EXPH5: variants seen among roughly 807,000 people sequenced by gnomAD.
EXPH5 encodes exophilin 5.
Under a neutral mutation model 41.1 loss-of-function variants are expected in EXPH5, and 42 were observed. The ratio of observed to expected loss-of-function variants is 1.02; its 90% CI spans 0.80 to 1.32. The LOEUF (loss-of-function observed/expected upper bound fraction) is 1.32, where lower values mean the gene tolerates loss of function less well. EXPH5 is among the 40% of genes most tolerant of loss of function. EXPH5 has a pLI of 0.00. For synonymous variants in EXPH5, 798 were observed against 833.5 expected (o/e 0.96, Z 0.73); for missense variants, 2,298 against 2,314.5 (o/e 0.99, Z 0.15).
chr11:108,510,535 T>C lies in EXPH5; in HGVS notation c.4972A>G (p.Arg1658Gly). ...PKSAESIGES[R>G]LSENGKHVKK... ...ACATGCTTTCCGTTCTCACTCAACC[T>C]GCTTTCGCCAATGGACTCTGCAGAT... is the stretch of plus-strand genomic sequence containing the variant. The change falls in exon 6 of 6, where the codon AGG (arginine) becomes GGG (glycine). Residue 1658 changes from arginine to glycine, a missense_variant. Coordinates refer to ENST00000265843, the MANE Select transcript of EXPH5 (RefSeq NM_015065.3). 1 of 1,614,206 alleles carries C rather than the reference T, an allele frequency of 6.2e-7. No homozygotes were observed. Among genetic ancestry groups the C allele is most frequent in the Non-Finnish European group, 8.5e-7 (1 of 1,180,036 alleles).
chr11:108,534,631 G>A (rs949582575), intron 3 of EXPH5, among the ~76,000 whole-genome samples: 8 of 152,182 alleles, frequency 5.3e-5, no homozygotes, highest in Non-Finnish European at 1.2e-4. Flanking sequence ...CTTCTTCCAG[G>A]AAGGGATCTT....
chr11:108,511,544 A>G lies in EXPH5; in HGVS notation c.3963T>C (p.Asp1321=). The change falls in exon 6 of 6, where the codon GAT becomes GAC. Residue 1321 remains aspartate, a synonymous_variant. Coordinates refer to ENST00000265843, the MANE Select transcript of EXPH5 (RefSeq NM_015065.3). ...TCATATTTTCAGTGGTGAGCGTCTG[A>G]TCAGAGTTGACGGACATCTTTAGAT... ...CENLKMSVNS[D]QTLTTENMTA... 6.2e-7 allele frequency: 1 copy of G among 1,612,422 alleles called. No homozygotes were observed. Among genetic ancestry groups the G allele is most frequent in the Admixed American group, 1.7e-5 (1 of 59,626 alleles).
chr11:108,535,656 G>A lies in EXPH5; in HGVS notation c.443+3368C>T, dbSNP rs114617684. Among the ~76,000 whole-genome samples, 7 of 152,314 alleles carry A rather than the reference G, an allele frequency of 4.6e-5. No homozygotes were observed. The East Asian group carries it at 1.3e-3, about 29-fold the overall frequency. On this transcript the variant is annotated intron_variant, in intron 3 of 5. Transcript: ENST00000265843. Reference sequence around the variant, plus strand: ...TCTGCCCTTTTAATTTTCCAAAATAGAATTTGACCTTTTTACTTATGTAAT... The same window carrying A: ...TCTGCCCTTTTAATTTTCCAAAATAAAATTTGACCTTTTTACTTATGTAAT...
Position 108,505,841 on chromosome 11 carries a change from C to A in EXPH5, c.*3696G>T, listed in dbSNP as rs1023272121. The stretch of plus-strand genomic sequence containing the variant: ...TTGCCATAACCTAAATGGATTTTTA[C>A]CCCCTCCAGTACACATATTTACCTC... On this transcript the variant is annotated 3_prime_UTR_variant, in exon 6 of 6. Coordinates refer to ENST00000265843, the MANE Select transcript of EXPH5 (RefSeq NM_015065.3). 6.6e-6 allele frequency: 1 copy of A among 152,146 alleles called. No homozygotes were observed. Among genetic ancestry groups the A allele is most frequent in the Admixed American group, 6.5e-5 (1 of 15,282 alleles). 9.4% of individuals were successfully genotyped at this position (152,146 alleles called of 1,614,324 possible).
At chr11:108,569,627 C>T (rs2094051097) in intron 1 of EXPH5, among the ~76,000 whole-genome samples, 1 of 152,356 alleles carries the variant, frequency 6.6e-6, no homozygotes, top group South Asian at 2.1e-4. Context: ...GCGTGAGCCA[C>T]TGCTCCTGGC....
chr11:108,525,755 G>A (rs1272431543), intron 4 of EXPH5, among the ~76,000 whole-genome samples: 15 of 151,990 alleles, frequency 9.9e-5, no homozygotes, highest in Non-Finnish European at 1.5e-5. Flanking sequence ...TCAATTTCCA[G>A]CTCTCTGTGG....
chr11:108,601,189 C>CTAT, the EXPH5 span, among the ~76,000 whole-genome samples: 1 of 152,152 alleles, frequency 6.6e-6, no homozygotes, highest in East Asian at 1.9e-4. Context: ...TTGCTAAAAC[C>CTAT]TATTAAACTA....
chr11:108,543,203 T>C (rs1789900908), intron 1 of EXPH5, among the ~76,000 whole-genome samples: 2 of 152,196 alleles, frequency 1.3e-5, no homozygotes, highest in Admixed American at 6.5e-5. Flanking sequence ...CCTATTACTT[T>C]TTTTTCTTCT....
At chr11:108,537,273 C>A (rs1358265252) in intron 3 of EXPH5, among the ~76,000 whole-genome samples, 1 of 152,186 alleles carries the variant, frequency 6.6e-6, no homozygotes, top group African/African-American at 2.4e-5. Context: ...TTTTATATTT[C>A]ATCTTCTGAA....
the EXPH5 span, among the ~76,000 whole-genome samples, chr11:108,605,261 G>T: frequency 6.6e-6 from 1 of 152,148 alleles, no homozygotes; most frequent in Non-Finnish European, 1.5e-5. Context: ...TGACCCTTCT[G>T]CTGGGGCTCT....
At chr11:108,573,198 A>AAGAAAGAAAGAAAGAAAGAGAAAG (rs1456627760) in intron 1 of EXPH5, among the ~76,000 whole-genome samples, 2 of 108,228 alleles carry the variant, frequency 1.8e-5, no homozygotes, top group East Asian at 2.8e-4. Context: ...GAAAGAAAGA[A>AAGAAAGAAAGAAAGAAAGAGAAAG]AAAGAAAGAA....
In EXPH5 at chr11:108,512,484, C is replaced by T. The variant is rs750747314; in HGVS notation, c.3023G>A (p.Ser1008Asn). 4.3e-6 allele frequency: 7 copies of T among 1,613,970 alleles called. No individual in the cohort carries two copies. Among genetic ancestry groups the T allele is most frequent in the Non-Finnish European group, 5.9e-6 (7 of 1,179,982 alleles). Residue 1008 changes from serine to asparagine, a missense_variant, in exon 6 of 6, where the codon AGC becomes AAC. Transcript: ENST00000265843. Reference sequence around the variant, plus strand: ...GTCAAGTTCAGAAACTTTGGAATTGCTTTGATTTGCTTCAATGAGGCTCCT... The same window carrying T: ...GTCAAGTTCAGAAACTTTGGAATTGTTTTGATTTGCTTCAATGAGGCTCCT... Reference protein sequence around the residue: ...DHRSLIEANQSNSKVSELDTI... With the variant: ...DHRSLIEANQNNSKVSELDTI...
chr11:108,594,571 A>C (rs982239155), upstream of EXPH5, among the ~76,000 whole-genome samples: 1 of 152,200 alleles, frequency 6.6e-6, no homozygotes, highest in Non-Finnish European at 1.5e-5. Context: ...ACTTATAAAG[A>C]TATTCACATA....
upstream of EXPH5, among the ~76,000 whole-genome samples, chr11:108,598,707 C>T (rs151310119): frequency 3.2e-4 from 48 of 152,110 alleles, 1 homozygote; most frequent in African/African-American, 1.1e-3. Context: ...TGCCAAGATG[C>T]TGAGGCAGGA....
chr11:108,567,862 G>T (rs1339909296), intron 1 of EXPH5: 1 of 152,062 alleles, frequency 6.6e-6, no homozygotes, highest in Non-Finnish European at 1.5e-5. Context: ...GCAAATTCTG[G>T]AATACCAAAG....
chr11:108,587,424 G>T (rs553448306), intron 1 of EXPH5, among the ~76,000 whole-genome samples: 4 of 152,284 alleles, frequency 2.6e-5, no homozygotes, highest in African/African-American at 7.2e-5. Flanking sequence ...ATTGCCTATA[G>T]CAGTAAGTTA....
intron 3 of EXPH5, among the ~76,000 whole-genome samples, chr11:108,537,609 A>G (rs1331716954): frequency 6.6e-6 from 1 of 152,242 alleles, no homozygotes; most frequent in Non-Finnish European, 1.5e-5. Flanking sequence ...AGTTTGGTCT[A>G]TAACCGAAAA....
chr11:108,512,649 T>C lies in EXPH5; in HGVS notation c.2858A>G (p.His953Arg), dbSNP rs1301359055. ...GCATTTGACATCAACCACTTCATCA[T>C]GTGTAGGCACAGGACTATCATTTCT... ...QERNDSPVPT[H>R]DEVVDVKCHS... Residue 953 changes from histidine (H) to arginine (R), a missense_variant, in exon 6 of 6, where the codon CAT becomes CGT. Transcript: ENST00000265843. 2 of 1,614,008 alleles carry C rather than the reference T, an allele frequency of 1.2e-6. No individual in the cohort carries two copies. Among genetic ancestry groups the C allele is most frequent in the South Asian group, 2.2e-5 (2 of 91,054 alleles).
intron 4 of EXPH5, 95 bp from the exon 5 acceptor site, chr11:108,518,468 T>C: frequency 8.7e-7 from 1 of 1,145,532 alleles, no homozygotes; most frequent in Non-Finnish European, 1.2e-6. Flanking sequence ...CTTAAAAGTA[T>C]TAGTCTAAGG....
Sources: gnomAD v4.1 joint callset for allele counts (sites outside exome capture counted in the v4.1 genomes callset) on GRCh38, gnomAD v4.1.1 for gene constraint, MANE v1.5 for transcripts, NCBI Gene and HGNC (gene_info 2026-07-23, HGNC 2026-07-21) for gene names.